The following NCBP3 variants were observed in gnomAD, a reference collection of about 807,000 sequenced individuals.
NCBP3 encodes nuclear cap binding subunit 3.
A neutral mutation model predicts 75.7 loss-of-function variants in NCBP3; 20 were observed. That is an observed-to-expected ratio of 0.26 (90% CI 0.19 to 0.38). The LOEUF is 0.38. Among genes scored for constraint, NCBP3 ranks in the 10% least tolerant of loss-of-function variants. The pLI is 1.00. For synonymous variants in NCBP3, 293 were observed against 290.5 expected, an observed-to-expected ratio of 1.01 and a Z score of -0.09; for missense variants, 678 against 796.9, an observed-to-expected ratio of 0.85 and a Z score of 1.80.
intron 4 of NCBP3, among the ~76,000 whole-genome samples, chr17:3,828,607 A>T (rs2053826718): frequency 6.6e-6 from 1 of 152,152 alleles, no homozygotes; most frequent in South Asian, 2.1e-4. Flanking sequence ...CAAAGCAGTA[A>T]CAAGAGGTCA....
rs2053338346 is a variant in NCBP3 at position 3,806,539 on chromosome 17, CCTGAGGCA to C, written c.*6497_*6504del. 6.6e-6 allele frequency: 1 copy of C among 152,098 alleles called. No homozygotes were observed. The highest frequency in any genetic ancestry group is 1.5e-5 in the Non-Finnish European group (1 of 68,030). The allele number at this position is 152,098 out of a possible 1,614,324, so 9.4% of individuals were successfully genotyped here. A position where few individuals can be genotyped will look rare whatever the true frequency, so the allele number is the denominator to read the frequency against. On this transcript the variant is annotated 3_prime_UTR_variant, in exon 13 of 13. Coordinates refer to ENST00000389005, the MANE Select transcript of NCBP3 (RefSeq NM_001114118.3). Reference sequence around the variant, plus strand: ...AATTGCTCAAATGAACAGTAAGAATCCTGAGGCAGGGTACTGACCTTGGTAGGTGAAAT... The same window carrying C: ...AATTGCTCAAATGAACAGTAAGAATCGGGTACTGACCTTGGTAGGTGAAAT...
Position 3,846,101 on chromosome 17 carries a change from C to T in NCBP3, c.123G>A (p.Glu41=), listed in dbSNP as rs2054159553. ...CGATTTCCAGCTCGCCCTCCTCCACCTCCATGGGCTCCGGCTCGCCACGGT... is the reference window on the plus strand; with the variant it reads ...CGATTTCCAGCTCGCCCTCCTCCACTTCCATGGGCTCCGGCTCGCCACGGT... The part of the protein sequence containing the change: ...GVDRGEPEPM[E]VEEGELEIVP... Residue 41 remains glutamate (E), a synonymous_variant, in exon 1 of 13, where the codon GAG becomes GAA. Coordinates refer to ENST00000389005, the MANE Select transcript of NCBP3 (RefSeq NM_001114118.3). This position sits in a 1 kb window ranked among gnomAD's most constrained non-coding sequence, Gnocchi z 4.6. 6.5e-7 allele frequency: 1 copy of T among 1,549,044 alleles called. No individual in the cohort carries two copies. The highest frequency in any genetic ancestry group is 8.7e-7 in the Non-Finnish European group (1 of 1,145,926).
At position 3,813,217 on chromosome 17, in the gene NCBP3, C is replaced by G; in HGVS notation, c.1690G>C (p.Asp564His). The G allele has an allele frequency of 6.2e-7, 1 of 1,614,250 alleles. No homozygotes were observed. Among genetic ancestry groups the G allele is most frequent in the Non-Finnish European group, 8.5e-7 (1 of 1,180,054 alleles). Residue 564 changes from aspartate to histidine, a missense_variant, in exon 13 of 13, where the codon GAT becomes CAT. Around this residue, in one of 7 missense-constraint regions of NCBP3, gnomAD observed 365 missense variants for 392.7 expected, o/e 0.93. Transcript: ENST00000389005. Reference protein sequence around the residue: ...KTKEKNTKKVDHRAPGAEEDD... With the variant: ...KTKEKNTKKVHHRAPGAEEDD... ...TCCTCAGCGCCAGGCGCCCTGTGAT[C>G]CACTTTCTTCGTATTCTTTTCTTTG...
At chr17:3,841,465 A>G (rs569605475) in intron 2 of NCBP3, among the ~76,000 whole-genome samples, 1 of 152,292 alleles carries the variant, frequency 6.6e-6, no homozygotes, top group African/African-American at 2.4e-5. Flanking sequence ...CTCTGAGACT[A>G]TCACCCTTTT....
In NCBP3 at chr17:3,813,133, G is replaced by A. The variant is rs543024533; in HGVS notation, c.1774C>T (p.Arg592Cys). The change falls in exon 13 of 13, where the codon CGC becomes TGC. Residue 592 changes from arginine to cysteine, a missense_variant. Coordinates refer to ENST00000389005, the MANE Select transcript of NCBP3 (RefSeq NM_001114118.3). ...GALIKEKEQS[R>C]QKKSRLDNLP... ...TTATCTAACCGGCTCTTCTTTTGGC[G>A]AGACTGCTCTTTCTCCTTAATCAGA... 6.8e-6 allele frequency: 11 copies of A among 1,614,078 alleles called. No homozygotes were observed. The highest frequency in any genetic ancestry group is 3.3e-5 in the Admixed American group (2 of 60,010).
chr17:3,845,135 T>C (rs780422281), intron 1 of NCBP3, among the ~76,000 whole-genome samples: 2 of 152,204 alleles, frequency 1.3e-5, no homozygotes, highest in Non-Finnish European at 2.9e-5. Context: ...ACTAAAGGCG[T>C]GCACGGCCAG....
intron 2 of NCBP3, among the ~76,000 whole-genome samples, chr17:3,842,401 G>C (rs1235873159): frequency 6.6e-6 from 1 of 152,136 alleles, no homozygotes; most frequent in Non-Finnish European, 1.5e-5. Flanking sequence ...CTCCAGCCTG[G>C]GCAACGGAGC....
rs2053885344 is a variant in NCBP3, at chr17:3,831,946, G to A, written c.356-2578C>T. On this transcript the variant is annotated intron_variant, in intron 3 of 12. Coordinates refer to ENST00000389005, the MANE Select transcript of NCBP3 (RefSeq NM_001114118.3). Reference sequence around the variant, plus strand: ...CACCTGTAATCCCAGCACTTTGGGAGGCCAAGGCGGGTGGATCACTTGATG... The same window carrying A: ...CACCTGTAATCCCAGCACTTTGGGAAGCCAAGGCGGGTGGATCACTTGATG... 1.6e-5 allele frequency among the ~76,000 whole-genome samples: 2 copies of A among 122,362 alleles called. 1 individual carries two copies. Among genetic ancestry groups the A allele is most frequent in the Non-Finnish European group, 4.0e-5 (2 of 50,604 alleles). 80.3% of individuals were successfully genotyped at this position (122,362 alleles called of 152,430 possible).
At chr17:3,815,329 T>C (rs1392223561) in intron 11 of NCBP3, among the ~76,000 whole-genome samples, 1 of 152,222 alleles carries the variant, frequency 6.6e-6, no homozygotes, top group Middle Eastern at 3.2e-3. Context: ...AATGCTACTT[T>C]CTCTAAGAAG....
In NCBP3 at chr17:3,822,052, T is replaced by A; in HGVS notation, c.797A>T (p.Asp266Val). The change falls in exon 8 of 13, where the codon GAT (aspartate) becomes GTT (valine). Residue 266 changes from aspartate (D) to valine (V), a missense_variant and splice_region_variant. Asp to Val is a radical substitution (Grantham distance 152, BLOSUM62 -3). Transcript: ENST00000389005. ...GGCTGCTCCAAGTTCCTTTTTGTCA[T>A]CTAAAAATTAATGACAATAGTTACC... ...NRLFMRFATKDDKKELGAARR... is the reference protein window; with the variant it reads ...NRLFMRFATKVDKKELGAARR... 1 of 1,594,096 alleles carries A rather than the reference T, an allele frequency of 6.3e-7. No homozygotes were observed.
At chr17:3,844,315 T>C (rs929833899) in intron 1 of NCBP3, among the ~76,000 whole-genome samples, 50 of 152,348 alleles carry the variant, frequency 3.3e-4, no homozygotes, top group African/African-American at 1.2e-3. Flanking sequence ...CTCTGTGGTA[T>C]CTACCTGCCT....
In NCBP3 at chr17:3,804,695, A is replaced by G. The variant is rs900871749; in HGVS notation, c.*8349T>C. The G allele has an allele frequency of 1.1e-4, 17 of 152,320 alleles. No homozygotes were observed. The highest frequency in any genetic ancestry group is 2.9e-5 in the Non-Finnish European group (2 of 68,126). The allele number at this position is 152,320 out of a possible 1,614,324, so 9.4% of individuals were successfully genotyped here. A position where few individuals can be genotyped will look rare whatever the true frequency, so the allele number is the denominator to read the frequency against. ...AGAGTGACGGCATTGCTGAGACCAG[A>G]GCCCAGGGCTGCAGAGCAGTGGTAC... On this transcript the variant is annotated 3_prime_UTR_variant, in exon 13 of 13. Transcript: ENST00000389005.
At chr17:3,814,577 C>G in intron 11 of NCBP3, 94 bp from the exon 12 acceptor site, 4 of 1,336,190 alleles carry the variant, frequency 3.0e-6, no homozygotes, top group Non-Finnish European at 4.1e-6. Context: ...GCGCTAACCC[C>G]TGCCCCGAGG....
Position 3,826,112 on chromosome 17 carries a change from GTCCTCACTGGCA to G in NCBP3, c.573_584del (p.Ala192_Asp195del), listed in dbSNP as rs1242897350. 6.4e-7 allele frequency: 1 copy of G among 1,551,520 alleles called. No homozygotes were observed. Among genetic ancestry groups the G allele is most frequent in the African/African-American group, 1.4e-5 (1 of 73,118 alleles). On this transcript the variant is annotated inframe_deletion, in exon 5 of 13. Coordinates refer to ENST00000389005, the MANE Select transcript of NCBP3 (RefSeq NM_001114118.3). ...CTTTTTTCCTTTTCTCAGCTGACTTGTCCTCACTGGCATCCCTGCTTCTGATCTTATCCTGTG... is the reference window on the plus strand; with the variant it reads ...CTTTTTTCCTTTTCTCAGCTGACTTGTCCCTGCTTCTGATCTTATCCTGTG...
Position 3,803,548 on chromosome 17 carries a change from G to A in NCBP3, c.*9496C>T, listed in dbSNP as rs751381695. 2 of 152,186 alleles carry A rather than the reference G, an allele frequency of 1.3e-5. No homozygotes were observed. Among genetic ancestry groups the A allele is most frequent in the Non-Finnish European group, 2.9e-5 (2 of 68,030 alleles). The allele number at this position is 152,186 out of a possible 1,614,324, so 9.4% of individuals were successfully genotyped here. A position where few individuals can be genotyped will look rare whatever the true frequency, so the allele number is the denominator to read the frequency against. On this transcript the variant is annotated 3_prime_UTR_variant, in exon 13 of 13. Transcript: ENST00000389005. ...TCACTAAAACATCTTACGGATAAACGAGCATGATGTATACAAATAATCCTC... is the reference window on the plus strand; with the variant it reads ...TCACTAAAACATCTTACGGATAAACAAGCATGATGTATACAAATAATCCTC...
At position 3,824,980 on chromosome 17, in the gene NCBP3, G is replaced by T; in HGVS notation, c.758C>A (p.Ala253Asp). 6.5e-7 allele frequency: 1 copy of T among 1,543,452 alleles called. No homozygotes were observed. Among genetic ancestry groups the T allele is most frequent in the Non-Finnish European group, 8.8e-7 (1 of 1,142,780 alleles). The change falls in exon 7 of 13, where the codon GCT becomes GAT. Residue 253 changes from alanine (A) to aspartate (D), a missense_variant. This residue lies in a region of NCBP3 where 98 missense variants were observed against 101.8 expected (regional missense o/e 0.96). Transcript: ENST00000389005. ...RNDLRPANKL[A>D]KGNRLFMRFA... The stretch of plus-strand genomic sequence containing the variant: ...TCTCATGAATAACCTATTTCCTTTA[G>T]CAAGTTTGTTAGCTGGACGAAGATC...
At chr17:3,840,459 G>A (rs1326940704) in intron 2 of NCBP3, among the ~76,000 whole-genome samples, 1 of 152,222 alleles carries the variant, frequency 6.6e-6, no homozygotes, top group East Asian at 1.9e-4. Context: ...TAGGAACTCA[G>A]TGAGTATCTG....
At chr17:3,841,721 T>C in intron 2 of NCBP3, among the ~76,000 whole-genome samples, 1 of 148,744 alleles carries the variant, frequency 6.7e-6, no homozygotes, top group Non-Finnish European at 1.5e-5. Flanking sequence ...TAGTCCCAGC[T>C]ACTCGGGAGG....
At chr17:3,819,324 G>A (rs958726844) in intron 9 of NCBP3, among the ~76,000 whole-genome samples, 2 of 152,108 alleles carry the variant, frequency 1.3e-5, no homozygotes, top group African/African-American at 2.4e-5. Context: ...TTGGGAGGCC[G>A]AGGTGGGCAG....
Sources: gnomAD v4.1 joint callset for allele counts (sites outside exome capture counted in the v4.1 genomes callset) on GRCh38, gnomAD v4.1.1 for gene constraint, gnomAD v4.1.1 regional missense constraint, Gnocchi (gnomAD v3.1) non-coding constraint, MANE v1.5 for transcripts, NCBI Gene and HGNC (gene_info 2026-07-23, HGNC 2026-07-21) for gene names.